Variants in LINGO2 observed in about 807,000 individuals in gnomAD.
LINGO2 encodes leucine-rich repeat and immunoglobulin-like domain-containing nogo receptor-interacting protein 2.
LINGO2 carries 14 observed loss-of-function variants against 30.6 expected under a neutral mutation model. The ratio of observed to expected loss-of-function variants is 0.46; its 90% CI spans 0.30 to 0.72. The LOEUF (loss-of-function observed/expected upper bound fraction) is 0.72. LINGO2 is among the 30% of genes least tolerant of loss of function. The pLI is 0.07. For missense variants in LINGO2, 729 were observed against 751.7 expected (o/e 0.97, Z 0.35); for synonymous variants, 317 against 288.5 (o/e 1.10, Z -1.00).
intron 1 of LINGO2, among the ~76,000 whole-genome samples, chr9:28,616,243 T>G (rs1204067011): frequency 1.3e-5 from 2 of 152,198 alleles, no homozygotes; most frequent in African/African-American, 4.8e-5. Flanking sequence ...TATAGTCGTA[T>G]AGTTACCAAA....
chr9:29,110,136 A>T, the LINGO2 span, among the ~76,000 whole-genome samples: 1 of 152,320 alleles, frequency 6.6e-6, no homozygotes, highest in South Asian at 2.1e-4. Flanking sequence ...GTGCATGTGA[A>T]ATTGAGGAAA....
chr9:28,618,778 A>G (rs915438933), intron 1 of LINGO2, among the ~76,000 whole-genome samples: 2 of 152,170 alleles, frequency 1.3e-5, no homozygotes, highest in Admixed American at 1.3e-4. Flanking sequence ...AATAATATAA[A>G]CTTGTATTAT....
rs998636289 is a variant in LINGO2 at position 28,049,459 on chromosome 9, G to A, written c.-86-37054C>T. On this transcript the variant is annotated intron_variant, in intron 4 of 5. Coordinates refer to ENST00000379992, the Ensembl canonical transcript of LINGO2. ...TGGGTAGAGTTAGCGAGGCAAAAAG[G>A]ATAAGTGGCTGGAGGAAAGACATTG... 1.7e-4 allele frequency among the ~76,000 whole-genome samples: 25 copies of A among 150,408 alleles called. 1 individual carries two copies. The highest frequency in any genetic ancestry group is 6.2e-4 in the African/African-American group (25 of 40,648).
the LINGO2 span, among the ~76,000 whole-genome samples, chr9:29,200,267 G>A: frequency 6.6e-6 from 1 of 152,032 alleles, no homozygotes; most frequent in African/African-American, 2.4e-5. Flanking sequence ...GCTGGGCAGA[G>A]ACGAAAAACG....
chr9:28,940,262 A>G, the LINGO2 span, among the ~76,000 whole-genome samples: 1 of 152,096 alleles, frequency 6.6e-6, no homozygotes, highest in African/African-American at 2.4e-5. Flanking sequence ...CCAGTGGAAA[A>G]TGAGTAAAAT....
intron 1 of LINGO2, among the ~76,000 whole-genome samples, chr9:28,525,922 G>A (rs1447875379): frequency 2.6e-5 from 4 of 151,858 alleles, no homozygotes; most frequent in African/African-American, 4.8e-5. Flanking sequence ...GGGGCGTGGT[G>A]GCGGGCGCTT....
intron 3 of LINGO2, among the ~76,000 whole-genome samples, chr9:28,351,215 G>GT (rs1819868044): frequency 6.7e-6 from 1 of 148,850 alleles, no homozygotes; most frequent in Admixed American, 6.7e-5. Context: ...CCAGGAGCTG[G>GT]TTTTTTGAAA....
chr9:28,405,454 A>G lies in LINGO2; in HGVS notation c.-278-32586T>C, dbSNP rs117542060. On this transcript the variant is annotated intron_variant, in intron 2 of 5. Coordinates refer to ENST00000379992, the Ensembl canonical transcript of LINGO2. Reference sequence around the variant, plus strand: ...AGTTAGAGGTCTTACTGTCACATCAAATTCAATTTAATTTGTTATTTCTAG... The same window carrying G: ...AGTTAGAGGTCTTACTGTCACATCAGATTCAATTTAATTTGTTATTTCTAG... Among the ~76,000 whole-genome samples the G allele has an allele frequency of 6.6e-5, 10 of 152,146 alleles. No individual in the cohort carries two copies. In the East Asian group the frequency reaches 1.9e-3, roughly 29 times the overall value.
At chr9:27,957,275 T>A (rs1338298615) in intron 5 of LINGO2, among the ~76,000 whole-genome samples, 1 of 152,084 alleles carries the variant, frequency 6.6e-6, no homozygotes, top group Non-Finnish European at 1.5e-5. Context: ...AGTACGGCTG[T>A]CTTGGTTACT....
chr9:28,998,095 C>G, the LINGO2 span, among the ~76,000 whole-genome samples: 1 of 152,078 alleles, frequency 6.6e-6, no homozygotes, highest in African/African-American at 2.4e-5. Context: ...AATCCAAAGC[C>G]CATACTTAAG....
the LINGO2 span, among the ~76,000 whole-genome samples, chr9:28,988,599 T>C: frequency 6.6e-6 from 1 of 152,200 alleles, no homozygotes; most frequent in Non-Finnish European, 1.5e-5. Context: ...GTTGTATTGA[T>C]ACATTACCCC....
Position 28,154,795 on chromosome 9 carries a change from C to T in LINGO2, c.-87+140413G>A, listed in dbSNP as rs116106968. The stretch of plus-strand genomic sequence containing the variant: ...CCTAATAGGATTACAAGGCAGAATA[C>T]AATGTCAGGTTAGAATGAGATACAG... On this transcript the variant is annotated intron_variant, in intron 4 of 5. Transcript: ENST00000379992. Among the ~76,000 whole-genome samples, 569 of 152,260 alleles carry T rather than the reference C, an allele frequency of 3.7e-3. 3 individuals are homozygous for T. The highest frequency in any genetic ancestry group is 0.013 in the African/African-American group (532 of 41,546).
chr9:28,976,846 A>T, the LINGO2 span, among the ~76,000 whole-genome samples: 3 of 152,102 alleles, frequency 2.0e-5, no homozygotes, highest in African/African-American at 7.2e-5. Flanking sequence ...AAAGGAATGA[A>T]ATGGTCTATC....
chr9:28,162,797 A>C (rs1188772408), intron 4 of LINGO2, among the ~76,000 whole-genome samples: 3 of 152,162 alleles, frequency 2.0e-5, no homozygotes, highest in Admixed American at 6.6e-5. Flanking sequence ...CATGGGACTT[A>C]ACTTGGACAT....
rs143407063 is a variant in LINGO2, at chr9:28,019,747, T to G, written c.-86-7342A>C. 4.2e-3 allele frequency among the ~76,000 whole-genome samples: 640 copies of G among 152,282 alleles called. 8 individuals are homozygous for G. The highest frequency in any genetic ancestry group is 0.015 in the African/African-American group (605 of 41,572). On this transcript the variant is annotated intron_variant, in intron 4 of 5. Coordinates refer to ENST00000379992, the Ensembl canonical transcript of LINGO2. ...AAAGCAATATTTTTTCTAAAAATAA[T>G]GTATATATATGTGTGTATATATTAT... is the stretch of plus-strand genomic sequence containing the variant.
At chr9:29,054,726 A>G in the LINGO2 span, among the ~76,000 whole-genome samples, 1 of 152,202 alleles carries the variant, frequency 6.6e-6, no homozygotes, top group African/African-American at 2.4e-5. Context: ...TCTATAAGTA[A>G]TAGAATATCC....
chr9:29,173,125 G>T, the LINGO2 span, among the ~76,000 whole-genome samples: 4 of 151,966 alleles, frequency 2.6e-5, no homozygotes, highest in African/African-American at 9.7e-5. Context: ...GAAAAGTTAT[G>T]CAATTATCTT....
chr9:28,424,873 C>A (rs1823340542), intron 2 of LINGO2, among the ~76,000 whole-genome samples: 1 of 152,016 alleles, frequency 6.6e-6, no homozygotes, highest in South Asian at 2.1e-4. Flanking sequence ...TTAAGCAGGC[C>A]TTGTTTGAGT....
At chr9:28,992,164 G>T in the LINGO2 span, among the ~76,000 whole-genome samples, 1 of 151,754 alleles carries the variant, frequency 6.6e-6, no homozygotes, top group East Asian at 1.9e-4. Flanking sequence ...TAAAAGGATG[G>T]AGGAAGATCT....
Sources: gnomAD v4.1 joint callset for allele counts (sites outside exome capture counted in the v4.1 genomes callset) on GRCh38, gnomAD v4.1.1 for gene constraint, MANE v1.5 for transcripts, NCBI Gene and HGNC (gene_info 2026-07-23, HGNC 2026-07-21) for gene names.